Variants in BPTF observed in about 807,000 individuals in gnomAD.
The protein encoded by BPTF is nucleosome-remodeling factor subunit BPTF.
In BPTF, 18 loss-of-function variants were observed where a neutral mutation model predicts 292.5. The observed-to-expected ratio is 0.06, with a 90% confidence interval of 0.04 to 0.09. The LOEUF (loss-of-function observed/expected upper bound fraction) is 0.09, where lower values mean the gene tolerates loss of function less well. BPTF is among the 10% of genes least tolerant of loss of function. BPTF has a pLI of 1.00. For missense variants in BPTF, 2,726 were observed against 3,498.7 expected, an observed-to-expected ratio of 0.78 and a Z score of 5.57; for synonymous variants, 1,225 against 1,251.9, an observed-to-expected ratio of 0.98 and a Z score of 0.45.
At chr17:67,966,295 C>T (rs569127507) in intron 25 of BPTF, 111 of 322,124 alleles carry the variant, frequency 3.4e-4, no homozygotes, top group Middle Eastern at 2.9e-3. Context: ...CACTCAGTGA[C>T]GGCTCATCAT....
At chr17:67,830,649 G>A (rs543006482) in intron 1 of BPTF, among the ~76,000 whole-genome samples, 11 of 152,196 alleles carry the variant, frequency 7.2e-5, no homozygotes, top group African/African-American at 2.6e-4. Context: ...GAGGGAGCGG[G>A]AGCGGGAGGG....
At chr17:67,900,475 A>C (rs1435710392) in intron 7 of BPTF, among the ~76,000 whole-genome samples, 12 of 152,058 alleles carry the variant, frequency 7.9e-5, no homozygotes, top group African/African-American at 2.9e-4. Flanking sequence ...ACATGCCTGT[A>C]ATCCCAGCAC....
At chr17:67,922,776 A>T in intron 13 of BPTF, 64 bp from the exon 14 acceptor site, 1 of 1,518,902 alleles carries the variant, frequency 6.6e-7, no homozygotes, top group Non-Finnish European at 8.8e-7. Context: ...ATGATAGAAG[A>T]TGCCAGAAGT....
chr17:67,873,315 G>T (rs778060171), intron 3 of BPTF, among the ~76,000 whole-genome samples: 1 of 151,750 alleles, frequency 6.6e-6, no homozygotes, highest in Non-Finnish European at 1.5e-5. Context: ...AAAATTAGCC[G>T]GGTGTGGTGG....
Position 67,933,923 on chromosome 17 carries a change from G to A in BPTF, c.6259+1904G>A, listed in dbSNP as rs990500943. Among the ~76,000 whole-genome samples, 4 of 150,966 alleles carry A rather than the reference G, an allele frequency of 2.6e-5. No homozygotes were observed. In the East Asian group the frequency reaches 5.9e-4, roughly 22 times the overall value. ...AAAATATAAAAATTAGCCAGGCCTGGTGGTGGGCACCTTGGGAGGCTGAGG... is the reference window on the plus strand; with the variant it reads ...AAAATATAAAAATTAGCCAGGCCTGATGGTGGGCACCTTGGGAGGCTGAGG... On this transcript the variant is annotated intron_variant, in intron 18 of 27. Transcript: ENST00000306378.
chr17:67,834,284 G>A (rs1023176230), intron 1 of BPTF, among the ~76,000 whole-genome samples: 7 of 152,136 alleles, frequency 4.6e-5, no homozygotes, highest in Non-Finnish European at 1.0e-4. Context: ...AGTATACTTT[G>A]TATGACTTTA....
chr17:67,959,777 A>C lies in BPTF; in HGVS notation c.8163A>C (p.Ser2721=), dbSNP rs782516232. Reference sequence around the variant, plus strand: ...GGGAAGAGGAAAAAGACTCCAGCTCAAAGTCCAAGAAAAAGAAAATGATCT... The same window carrying C: ...GGGAAGAGGAAAAAGACTCCAGCTCCAAGTCCAAGAAAAAGAAAATGATCT... ...RKREEEKDSS[S]KSKKKKMIST... Residue 2721 remains serine (S), a synonymous_variant, in exon 24 of 28, where the codon TCA becomes TCC. Coordinates refer to ENST00000306378, the MANE Select transcript of BPTF (RefSeq NM_182641.4). 3.1e-6 allele frequency: 5 copies of C among 1,613,900 alleles called. No homozygotes were observed. The Admixed American group carries it at 8.3e-5, about 27-fold the overall frequency.
intron 14 of BPTF, among the ~76,000 whole-genome samples, chr17:67,923,951 C>T (rs934362207): frequency 3.3e-5 from 5 of 152,052 alleles, no homozygotes; most frequent in Admixed American, 6.5e-5. Context: ...AAGCAATTCT[C>T]CTGCCTCAGC....
At position 67,840,840 on chromosome 17, in the gene BPTF, G is replaced by A. The variant is rs1598158842; in HGVS notation, c.614-13100G>A. On this transcript the variant is annotated intron_variant, in intron 1 of 27. Transcript: ENST00000306378. ...GGCCTCCCAAAGTGCTGGAATTACA[G>A]GCATGAGCCACCATGCCCAGCCAAT... 4.6e-5 allele frequency among the ~76,000 whole-genome samples: 7 copies of A among 152,156 alleles called. No homozygotes were observed. In the South Asian group the frequency reaches 1.2e-3, roughly 27 times the overall value.
chr17:67,966,673 A>G lies in BPTF; in HGVS notation c.8539+17A>G. 1 of 1,467,670 alleles carries G rather than the reference A, an allele frequency of 6.8e-7. No individual in the cohort carries two copies. The highest frequency in any genetic ancestry group is 9.1e-7 in the Non-Finnish European group (1 of 1,100,858). The allele number at this position is 1,467,670 out of a possible 1,614,324, so 90.9% of individuals were successfully genotyped here. A position where few individuals can be genotyped will look rare whatever the true frequency, so the allele number is the denominator to read the frequency against. On this transcript the variant is annotated intron_variant, in intron 26 of 27. Coordinates refer to ENST00000306378, the MANE Select transcript of BPTF (RefSeq NM_182641.4). ...AACCTATGGGTAAGTACATGAGTTGAATATGAAGTTTTTCAGAAGTCTCAG... is the reference window on the plus strand; with the variant it reads ...AACCTATGGGTAAGTACATGAGTTGGATATGAAGTTTTTCAGAAGTCTCAG...
chr17:67,843,223 TAC>T (rs2144513112), intron 1 of BPTF, among the ~76,000 whole-genome samples: 1 of 146,252 alleles, frequency 6.8e-6, no homozygotes, highest in African/African-American at 2.4e-5. Context: ...TGTAGATATA[TAC>T]CTATATATCT....
At chr17:67,978,338 G>T (rs574806471) in intron 27 of BPTF, among the ~76,000 whole-genome samples, 5 of 147,052 alleles carry the variant, frequency 3.4e-5, no homozygotes, top group Non-Finnish European at 7.4e-5. Context: ...TCACTCTGTT[G>T]CCCAGGCTGG....
chr17:67,958,686 G>A (rs1330125726), intron 23 of BPTF, among the ~76,000 whole-genome samples: 1 of 151,428 alleles, frequency 6.6e-6, no homozygotes, highest in Non-Finnish European at 1.5e-5. Context: ...CGCTGAGATT[G>A]TGCCACTGCA....
chr17:67,940,425 T>C lies in BPTF; in HGVS notation c.6260-14T>C. 1 of 1,612,446 alleles carries C rather than the reference T, an allele frequency of 6.2e-7. No individual in the cohort carries two copies. Among genetic ancestry groups the C allele is most frequent in the Non-Finnish European group, 8.5e-7 (1 of 1,178,800 alleles). The stretch of plus-strand genomic sequence containing the variant: ...GGGTGTATAAGCATTCATAATGTTT[T>C]GCTGTTTGGGTAGGTGCTCCTCAGC... On this transcript the variant is annotated splice_polypyrimidine_tract_variant and intron_variant, in intron 18 of 27. Transcript: ENST00000306378.
chr17:67,895,367 A>G (rs1380072336), intron 7 of BPTF, among the ~76,000 whole-genome samples: 1 of 148,534 alleles, frequency 6.7e-6, no homozygotes, highest in Non-Finnish European at 1.5e-5. Flanking sequence ...GGAATGTAAT[A>G]TATGTTTTTG....
At chr17:67,859,706 C>G (rs2058960806) in intron 2 of BPTF, among the ~76,000 whole-genome samples, 1 of 152,104 alleles carries the variant, frequency 6.6e-6, no homozygotes, top group Admixed American at 6.5e-5. Flanking sequence ...GAGAAAGATA[C>G]TATAATGGTT....
At chr17:67,841,099 T>C (rs1966410) in intron 1 of BPTF, among the ~76,000 whole-genome samples, 46,314 of 151,930 alleles carry the variant, frequency 0.3, 8,414 homozygotes, top group East Asian at 0.66. Context: ...GCTTGCCAGA[T>C]TTTTTTGGTA....
Position 67,928,508 on chromosome 17 carries a change from A to G in BPTF, c.5905A>G (p.Lys1969Glu), listed in dbSNP as rs1420048695. The G allele has an allele frequency of 6.2e-7, 1 of 1,614,018 alleles. No homozygotes were observed. Among genetic ancestry groups the G allele is most frequent in the Non-Finnish European group, 8.5e-7 (1 of 1,179,996 alleles). ...TTGTKMVLTT[K>E]VGSPATVTFQ... ...TGGAACCAAAATGGTACTAACTACT[A>G]AAGTTGGATCTCCAGCTACAGTAAC... The change falls in exon 16 of 28, where the codon AAA becomes GAA. Residue 1969 changes from lysine to glutamate, a missense_variant. Transcript: ENST00000306378.
intron 21 of BPTF, 128 bp downstream of exon 21, chr17:67,946,453 A>G (rs2065818629): frequency 1.4e-6 from 2 of 1,401,734 alleles, no homozygotes; most frequent in African/African-American, 2.9e-5. Flanking sequence ...TTTAGAAGAA[A>G]CACTGAATTG....
Sources: gnomAD v4.1 joint callset for allele counts (sites outside exome capture counted in the v4.1 genomes callset) on GRCh38, gnomAD v4.1.1 for gene constraint, MANE v1.5 for transcripts, NCBI Gene and HGNC (gene_info 2026-07-23, HGNC 2026-07-21) for gene names.